Variants in CCDC102B observed in about 807,000 individuals in gnomAD.
CCDC102B encodes the protein coiled-coil domain-containing protein 102B.
A neutral mutation model predicts 57.4 loss-of-function variants in CCDC102B; 75 were observed. The observed-to-expected ratio is 1.31, with a 90% confidence interval of 1.08 to 1.58. The LOEUF is 1.58. Ranked by LOEUF, CCDC102B falls within the 40% of genes most tolerant of loss-of-function variation. The pLI is 0.00. For missense variants in CCDC102B, 636 were observed against 582.6 expected (o/e 1.09, Z -0.94); for synonymous variants, 206 against 201.9 (o/e 1.02, Z -0.17).
At chr18:68,796,292 G>T (rs1013542306), upstream of CCDC102B, among the ~76,000 whole-genome samples, 3 of 152,138 alleles carry the variant, frequency 2.0e-5, no homozygotes, top group South Asian at 2.1e-4. Flanking sequence ...ATTTGATATA[G>T]AATAGAAGGA....
chr18:68,908,813 T>A (rs1479092731), intron 6 of CCDC102B, among the ~76,000 whole-genome samples: 2 of 152,122 alleles, frequency 1.3e-5, no homozygotes, highest in African/African-American at 4.8e-5. Flanking sequence ...TGTGTACATA[T>A]ATATTGGTTA....
chr18:68,883,347 G>A (rs546105623), intron 5 of CCDC102B, among the ~76,000 whole-genome samples: 1 of 151,462 alleles, frequency 6.6e-6, no homozygotes, highest in African/African-American at 2.4e-5. Flanking sequence ...GGAGGCAGAG[G>A]TTGCAGTGAG....
chr18:68,846,602 T>G (rs1051507266), intron 4 of CCDC102B, among the ~76,000 whole-genome samples, 181 bp downstream of exon 4: 2 of 151,858 alleles, frequency 1.3e-5, no homozygotes, highest in African/African-American at 4.8e-5. Context: ...AAATTCAGAC[T>G]CTATGACATC....
chr18:68,951,504 T>C (rs2049696661), intron 6 of CCDC102B, among the ~76,000 whole-genome samples: 1 of 152,126 alleles, frequency 6.6e-6, no homozygotes, highest in Admixed American at 6.6e-5. Context: ...TTTCCCTTTC[T>C]ACCTCATAAA....
intron 2 of CCDC102B, among the ~76,000 whole-genome samples, chr18:68,771,082 A>T (rs12455204): frequency 0.064 from 9,700 of 152,286 alleles, 582 homozygotes; most frequent in African/African-American, 0.15. Context: ...AGATTTGGGG[A>T]ATTCCCAGAT....
upstream of CCDC102B, among the ~76,000 whole-genome samples, chr18:68,795,786 A>G (rs1328681837): frequency 6.6e-6 from 1 of 152,184 alleles, no homozygotes; most frequent in East Asian, 1.9e-4. Flanking sequence ...ATTTCAATAT[A>G]TCTTCTTAGA....
chr18:68,783,633 T>G (rs1410685250), intron 2 of CCDC102B, among the ~76,000 whole-genome samples: 1 of 152,292 alleles, frequency 6.6e-6, no homozygotes, highest in Middle Eastern at 3.4e-3. Flanking sequence ...CTTTCAGATA[T>G]TGGGTGATGT....
At chr18:68,718,637 C>T (rs2032157572) in intron 2 of CCDC102B, among the ~76,000 whole-genome samples, 1 of 149,656 alleles carries the variant, frequency 6.7e-6, no homozygotes, top group South Asian at 2.1e-4. Flanking sequence ...AATAAAGCTA[C>T]ATACATTTAT....
chr18:69,032,452 G>A (rs1422849217), intron 7 of CCDC102B, among the ~76,000 whole-genome samples: 11 of 152,050 alleles, frequency 7.2e-5, no homozygotes, highest in Admixed American at 2.6e-4. Flanking sequence ...CAAATAATGA[G>A]CATATTACTT....
At chr18:68,806,799 A>G (rs946198433) in intron 1 of CCDC102B, among the ~76,000 whole-genome samples, 3 of 152,190 alleles carry the variant, frequency 2.0e-5, no homozygotes, top group Admixed American at 6.5e-5. Context: ...TCACTTCAAA[A>G]TGTAATTAGT....
chr18:68,831,360 TCATGCTTACTGTATTAATTC>T (rs1164741409), intron 1 of CCDC102B, among the ~76,000 whole-genome samples: 1 of 152,030 alleles, frequency 6.6e-6, no homozygotes, highest in Non-Finnish European at 1.5e-5. Flanking sequence ...TAGCAAAAGG[TCATGCTTACTGTATTAATTC>T]CATGCCAATT....
chr18:68,910,430 C>G (rs968726202), intron 6 of CCDC102B, among the ~76,000 whole-genome samples: 2 of 152,146 alleles, frequency 1.3e-5, no homozygotes, highest in Non-Finnish European at 2.9e-5. Context: ...TTTGTGAGGT[C>G]TAGTTCATCA....
intron 6 of CCDC102B, among the ~76,000 whole-genome samples, chr18:68,929,933 A>G (rs2041610907): frequency 6.6e-6 from 1 of 151,876 alleles, no homozygotes; most frequent in Non-Finnish European, 1.5e-5. Flanking sequence ...ATATTAATGT[A>G]AGGAGAAAAT....
intron 7 of CCDC102B, among the ~76,000 whole-genome samples, chr18:69,040,361 A>G (rs2052400682): frequency 6.6e-6 from 1 of 150,952 alleles, no homozygotes; most frequent in Admixed American, 6.6e-5. Context: ...AATTATATCT[A>G]TGTAGATTTA....
chr18:68,718,490 A>C (rs908808760), intron 2 of CCDC102B, among the ~76,000 whole-genome samples: 4 of 152,238 alleles, frequency 2.6e-5, no homozygotes, highest in African/African-American at 9.6e-5. Flanking sequence ...GTTGGGATAC[A>C]GGTAAACATC....
Position 68,784,386 on chromosome 18 carries a change from G to A in CCDC102B, c.-66-38980G>A, listed in dbSNP as rs188730666. Among the ~76,000 whole-genome samples the A allele has an allele frequency of 2.3e-3, 354 of 152,020 alleles. 2 individuals are homozygous for A. The highest frequency in any genetic ancestry group is 8.0e-3 in the African/African-American group (332 of 41,442). On this transcript the variant is annotated intron_variant, in intron 2 of 3. Transcript: ENST00000578970. ...TCTTATCATGAGAACAGCACCAAGGGGATGGTTGTAAACCATTCATGAAAG... is the reference window on the plus strand; with the variant it reads ...TCTTATCATGAGAACAGCACCAAGGAGATGGTTGTAAACCATTCATGAAAG...
chr18:68,884,714 A>T (rs2039819401), intron 5 of CCDC102B, among the ~76,000 whole-genome samples: 1 of 148,838 alleles, frequency 6.7e-6, no homozygotes, highest in Non-Finnish European at 1.5e-5. Context: ...ATTTCATCAC[A>T]TTATATATTA....
At chr18:68,886,867 G>T (rs2039905397) in intron 5 of CCDC102B, among the ~76,000 whole-genome samples, 1 of 151,940 alleles carries the variant, frequency 6.6e-6, no homozygotes, top group African/African-American at 2.4e-5. Flanking sequence ...CCCCAGCAAA[G>T]TGATTCTATA....
chr18:68,926,547 A>G (rs1035090673), intron 6 of CCDC102B, among the ~76,000 whole-genome samples: 1 of 151,928 alleles, frequency 6.6e-6, no homozygotes, highest in Non-Finnish European at 1.5e-5. Context: ...AACACCTGCA[A>G]TAGACATAAT....
Sources: allele counts gnomAD v4.1 joint callset (sites outside exome capture counted in the v4.1 genomes callset), GRCh38; gene constraint gnomAD v4.1.1; transcripts MANE v1.5; gene names NCBI Gene and HGNC (gene_info 2026-07-23, HGNC 2026-07-21).